GKAP1: variants seen among roughly 807,000 people sequenced by gnomAD.
GKAP1 encodes G kinase-anchoring protein 1.
GKAP1 carries 31 observed loss-of-function variants against 56.7 expected under a neutral mutation model. The ratio of observed to expected loss-of-function variants is 0.55; its 90% CI spans 0.41 to 0.74. The LOEUF (loss-of-function observed/expected upper bound fraction) is 0.74, where lower values mean the gene tolerates loss of function less well. GKAP1 is among the 30% of genes least tolerant of loss of function. GKAP1 has a pLI of 0.00. For missense variants in GKAP1, 364 were observed against 402.3 expected (o/e 0.90, Z 0.82); for synonymous variants, 151 against 138.6 (o/e 1.09, Z -0.63).
At position 83,779,444 on chromosome 9, in the gene GKAP1, T is replaced by TACACACAC. The variant is rs1264892337; in HGVS notation, c.585+937_585+938insGTGTGTGT. On this transcript the variant is annotated intron_variant, in intron 7 of 12. Coordinates refer to ENST00000376371, the MANE Select transcript of GKAP1 (RefSeq NM_025211.4). ...CAGAAGCCATATATATATATATATA[T>TACACACAC]ATATACACACACACACACACGCACA... Among the ~76,000 whole-genome samples, 220 of 82,760 alleles carry TACACACAC rather than the reference T, an allele frequency of 2.7e-3. 5 individuals are homozygous for TACACACAC. Among genetic ancestry groups the TACACACAC allele is most frequent in the Admixed American group, 8.6e-3 (56 of 6,504 alleles). 54.3% of individuals were successfully genotyped at this position (82,760 alleles called of 152,430 possible).
At chr9:83,802,207 G>A (rs1376290244) in intron 3 of GKAP1, among the ~76,000 whole-genome samples, 2 of 152,114 alleles carry the variant, frequency 1.3e-5, no homozygotes, top group Non-Finnish European at 2.9e-5. Flanking sequence ...TGGGCCAGGC[G>A]CAGTGGCTCA....
chr9:83,783,584 T>G (rs1177044867), intron 6 of GKAP1, among the ~76,000 whole-genome samples: 2 of 152,214 alleles, frequency 1.3e-5, no homozygotes, highest in East Asian at 1.9e-4. Flanking sequence ...CTTCTCCATT[T>G]GATAAAAAAT....
intron 3 of GKAP1, among the ~76,000 whole-genome samples, chr9:83,800,600 T>C (rs1201624655): frequency 6.6e-6 from 1 of 152,156 alleles, no homozygotes; most frequent in African/African-American, 2.4e-5. Context: ...CTCCCAAAAG[T>C]GTTGGGATTA....
chr9:83,780,807 T>C (rs1450104965), intron 6 of GKAP1, among the ~76,000 whole-genome samples: 2 of 152,168 alleles, frequency 1.3e-5, no homozygotes, highest in Non-Finnish European at 2.9e-5. Flanking sequence ...AATGTTCAGA[T>C]TACTGCTTTT....
intron 3 of GKAP1, among the ~76,000 whole-genome samples, chr9:83,800,706 AAT>A (rs1275143539): frequency 6.6e-6 from 1 of 152,194 alleles, no homozygotes; most frequent in Non-Finnish European, 1.5e-5. Context: ...GTAACCTAAC[AAT>A]GTATAAACAA....
intron 9 of GKAP1, among the ~76,000 whole-genome samples, chr9:83,752,697 GGTTAT>G (rs143809631): frequency 0.027 from 4,141 of 152,192 alleles, 84 homozygotes; most frequent in South Asian, 0.043. Context: ...CACTTTAAAT[GGTTAT>G]GTTATATGTA....
intron 8 of GKAP1, among the ~76,000 whole-genome samples, chr9:83,760,298 C>T (rs544338187): frequency 6.6e-6 from 1 of 152,248 alleles, no homozygotes; most frequent in East Asian, 1.9e-4. Flanking sequence ...ATAAAGGAGT[C>T]AGTTCAGCAA....
At chr9:83,783,461 T>C (rs78790265) in intron 6 of GKAP1, among the ~76,000 whole-genome samples, 11 of 152,202 alleles carry the variant, frequency 7.2e-5, no homozygotes, top group African/African-American at 2.4e-4. Context: ...ACATGAATAG[T>C]AGCTACCATA....
chr9:83,752,232 T>A (rs1169385519), intron 9 of GKAP1, among the ~76,000 whole-genome samples: 1 of 152,004 alleles, frequency 6.6e-6, no homozygotes, highest in African/African-American at 2.4e-5. Context: ...TGAAACCCCG[T>A]CTCTACTAAA....
chr9:83,782,341 T>C (rs553774478), intron 6 of GKAP1, among the ~76,000 whole-genome samples: 1 of 152,036 alleles, frequency 6.6e-6, no homozygotes, highest in East Asian at 1.9e-4. Context: ...TGAAATCTTT[T>C]TTACTAATCT....
chr9:83,777,297 A>G (rs1389666476), intron 7 of GKAP1, among the ~76,000 whole-genome samples: 1 of 152,236 alleles, frequency 6.6e-6, no homozygotes, highest in East Asian at 1.9e-4. Context: ...GGAGTTTGGA[A>G]GGCCAGATAA....
intron 7 of GKAP1, among the ~76,000 whole-genome samples, chr9:83,779,834 T>C (rs540518175): frequency 6.6e-6 from 1 of 151,972 alleles, no homozygotes; most frequent in African/African-American, 2.4e-5. Flanking sequence ...CTAAAAGATT[T>C]GGAGAGGCTA....
chr9:83,809,380 T>C (rs922993618), intron 2 of GKAP1, among the ~76,000 whole-genome samples: 2 of 152,198 alleles, frequency 1.3e-5, no homozygotes, highest in Admixed American at 6.5e-5. Context: ...AGTGGGTAGC[T>C]CCTGCACATG....
chr9:83,788,133 C>G (rs932718851), intron 5 of GKAP1, among the ~76,000 whole-genome samples: 1 of 152,060 alleles, frequency 6.6e-6, no homozygotes, highest in African/African-American at 2.4e-5. Context: ...CAAAATGTAG[C>G]TGGGTGTGGT....
In GKAP1 at chr9:83,741,977, A is replaced by C; in HGVS notation, c.1028T>G (p.Leu343Ter). 6.3e-7 allele frequency: 1 copy of C among 1,593,026 alleles called. No homozygotes were observed. Among genetic ancestry groups the C allele is most frequent in the Non-Finnish European group, 8.5e-7 (1 of 1,171,114 alleles). The change falls in exon 12 of 13, where the codon TTA (leucine) becomes TGA (stop). Residue 343 changes from leucine to a stop codon, truncating the protein, a stop_gained. Transcript: ENST00000376371. LOFTEE classifies it high-confidence loss of function. Reference protein sequence around the residue: ...LEQERSKVKVLQAELAKYQGG... With the variant: ...LEQERSKVKV ...CTGGTATTTGGCTAACTCTGCTTGT[A>C]ATACTTTCACTTTAGATCTTTCTTG... is the stretch of plus-strand genomic sequence containing the variant.
chr9:83,771,075 C>CT (rs1039513639), intron 7 of GKAP1, among the ~76,000 whole-genome samples: 104 of 151,620 alleles, frequency 6.9e-4, no homozygotes, highest in Middle Eastern at 3.4e-3. Context: ...CCCACATTCT[C>CT]TTTTTTTTGA....
intron 7 of GKAP1, among the ~76,000 whole-genome samples, chr9:83,778,266 T>C (rs533439418): frequency 6.6e-6 from 1 of 152,292 alleles, no homozygotes; most frequent in South Asian, 2.1e-4. Flanking sequence ...ACTGAAGCAC[T>C]GTTCACAATA....
At chr9:83,775,874 C>CACAAAAAAAAAAA (rs1943851468) in intron 7 of GKAP1, among the ~76,000 whole-genome samples, 1 of 43,716 alleles carries the variant, frequency 2.3e-5, no homozygotes, top group Non-Finnish European at 3.9e-5. Flanking sequence ...GACTCTGTCT[C>CACAAAAAAAAAAA]AAAAAAAAAA....
At chr9:83,773,736 TTTC>T (rs1202743496) in intron 7 of GKAP1, among the ~76,000 whole-genome samples, 3 of 152,188 alleles carry the variant, frequency 2.0e-5, no homozygotes, top group Non-Finnish European at 4.4e-5. Context: ...TTTTGTTTGG[TTTC>T]TTAACTTTTT....
Sources: gnomAD v4.1 joint callset for allele counts (sites outside exome capture counted in the v4.1 genomes callset) on GRCh38, gnomAD v4.1.1 for gene constraint, MANE v1.5 for transcripts, NCBI Gene and HGNC (gene_info 2026-07-23, HGNC 2026-07-21) for gene names.